Variants in CCT5 observed in about 807,000 individuals in gnomAD.
CCT5 encodes T-complex protein 1 subunit epsilon.
CCT5 carries 6 observed loss-of-function variants against 55.0 expected under a neutral mutation model. That is an observed-to-expected ratio of 0.11 (90% CI 0.06 to 0.22). CCT5 has a LOEUF of 0.22. CCT5 is among the 10% of genes least tolerant of loss of function. The pLI is 1.00. For missense variants in CCT5, 560 were observed against 694.6 expected, an observed-to-expected ratio of 0.81 and a Z score of 2.18; for synonymous variants, 231 against 243.7, an observed-to-expected ratio of 0.95 and a Z score of 0.49.
At chr5:10,266,407 G>C (rs1395360299), downstream of CCT5, 2 of 151,974 alleles carry the variant, frequency 1.3e-5, no homozygotes, top group Non-Finnish European at 2.9e-5. Flanking sequence ...TATTTTTCAC[G>C]TTCCAGATCA....
At chr5:10,261,814 T>G in intron 8 of CCT5, 69 bp downstream of exon 8, 1 of 1,226,010 alleles carries the variant, frequency 8.2e-7, no homozygotes, top group Non-Finnish European at 1.2e-6. Context: ...TTTGCCTGTG[T>G]GTATTTAACA....
chr5:10,250,872 G>T, intron 1 of CCT5: 1 of 1,044,006 alleles, frequency 9.6e-7, no homozygotes, highest in Non-Finnish European at 1.2e-6. Flanking sequence ...CGGCCCTTCC[G>T]TTTTCTTTGT....
At chr5:10,258,352 C>A (rs1745784868) in intron 5 of CCT5, 34 bp from the exon 6 acceptor site, 1 of 1,613,674 alleles carries the variant, frequency 6.2e-7, no homozygotes, top group Non-Finnish European at 8.5e-7. Context: ...ACTCTTAATT[C>A]CACCAATTAA....
At chr5:10,261,408 T>C in intron 7 of CCT5, 152 bp from the exon 8 acceptor site, 1 of 738,934 alleles carries the variant, frequency 1.4e-6, no homozygotes, top group Non-Finnish European at 2.4e-6. Flanking sequence ...GCAAGGTGCT[T>C]TGGGTTGAAC....
chr5:10,250,298 C>A lies in CCT5; in HGVS notation c.-43C>A. ...GGGAAGTGCATTCTCGCTTCCGTAG[C>A]GGTCTCCGCCGGTTGGGGGGAAGTA... On this transcript the variant is annotated 5_prime_UTR_variant, in exon 1 of 11. Coordinates refer to ENST00000280326, the MANE Select transcript of CCT5 (RefSeq NM_012073.5). 6.2e-7 allele frequency: 1 copy of A among 1,613,412 alleles called. No homozygotes were observed. Among genetic ancestry groups the A allele is most frequent in the Non-Finnish European group, 8.5e-7 (1 of 1,179,878 alleles).
chr5:10,256,071 A>G lies in CCT5; in HGVS notation c.448A>G (p.Lys150Glu), dbSNP rs771086015. Residue 150 changes from lysine (K) to glutamate (E), a missense_variant, in exon 4 of 11, where the codon AAG (lysine) becomes GAG (glutamate). Physicochemically the swap from Lys to Glu is moderately conservative, Grantham distance 56 (BLOSUM62 1). Transcript: ENST00000280326. ...TCGTGTTGCTATTGAACACCTGGAC[A>G]AGATCAGCGATAGCGTCCTTGTTGA... Reference protein sequence around the residue: ...AARVAIEHLDKISDSVLVDIK... With the variant: ...AARVAIEHLDEISDSVLVDIK... The G allele has an allele frequency of 3.7e-6, 6 of 1,614,054 alleles. No individual in the cohort carries two copies. Among genetic ancestry groups the G allele is most frequent in the Admixed American group, 1.7e-5 (1 of 60,012 alleles).
In CCT5 at chr5:10,261,500, G is replaced by C. The variant is rs1579455893; in HGVS notation, c.994-60G>C. On this transcript the variant is annotated intron_variant, in intron 7 of 10. Coordinates refer to ENST00000280326, the MANE Select transcript of CCT5 (RefSeq NM_012073.5). ...TCAAGTTTTGCTCATTTGTGGCCCA[G>C]TTTTGAAAGTTAACTTCACCAGTAC... 8 of 1,548,158 alleles carry C rather than the reference G, an allele frequency of 5.2e-6. No individual in the cohort carries two copies. In the East Asian group the frequency reaches 1.8e-4, roughly 35 times the overall value.
In CCT5 at chr5:10,253,493, C is replaced by T. The variant is rs531469638; in HGVS notation, c.106-652C>T. ...TCTCAAACTCCTGGCCTCAAGCAAT[C>T]CTCCTGCCTCAGCCTCCCAAGTAGG... On this transcript the variant is annotated intron_variant, in intron 1 of 10. Coordinates refer to ENST00000280326, the MANE Select transcript of CCT5 (RefSeq NM_012073.5). Among the ~76,000 whole-genome samples the T allele has an allele frequency of 3.3e-5, 5 of 152,296 alleles. No individual in the cohort carries two copies. The South Asian group carries it at 8.3e-4, about 25-fold the overall frequency.
rs547909747 is a variant in CCT5 at position 10,264,959 on chromosome 5, G to C, written c.*176G>C. On this transcript the variant is annotated 3_prime_UTR_variant, in exon 11 of 11. Transcript: ENST00000280326. ...TTGTTCAAAGCTGTGTAATCGTGGG[G>C]GTACCATCTCAACTGCTTTTGTATT... 1.2e-5 allele frequency: 9 copies of C among 753,704 alleles called. No individual in the cohort carries two copies. The highest frequency in any genetic ancestry group is 8.8e-5 in the African/African-American group (5 of 56,966). 46.7% of individuals were successfully genotyped at this position (753,704 alleles called of 1,614,324 possible).
intron 6 of CCT5, among the ~76,000 whole-genome samples, 191 bp downstream of exon 6, chr5:10,258,726 T>C (rs1031568774): frequency 5.3e-5 from 8 of 152,178 alleles, no homozygotes; most frequent in Non-Finnish European, 1.2e-4. Context: ...TCAGGCCAGG[T>C]GCAGTGGCCA....
intron 10 of CCT5, 190 bp from the exon 11 acceptor site, chr5:10,264,466 A>G (rs962041371): frequency 1.8e-6 from 1 of 570,578 alleles, no homozygotes; most frequent in Non-Finnish European, 3.1e-6. Flanking sequence ...CGAGTTCCAG[A>G]GTGTCCTTGG....
chr5:10,258,639 A>G, intron 6 of CCT5, 104 bp downstream of exon 6: 1 of 1,155,682 alleles, frequency 8.7e-7, no homozygotes. Context: ...TCTAAAACAT[A>G]CACAGGAAAA....
intron 8 of CCT5, chr5:10,262,220 G>A: frequency 4.1e-6 from 2 of 483,474 alleles, no homozygotes; most frequent in Non-Finnish European, 3.8e-6. Flanking sequence ...TTAGCACATT[G>A]TGATAAATCT....
In CCT5 at chr5:10,261,666, C is replaced by G; in HGVS notation, c.1100C>G (p.Thr367Ser). The G allele has an allele frequency of 6.2e-7, 1 of 1,614,024 alleles. No individual in the cohort carries two copies. Reference protein sequence around the residue: ...GLVQEISFGTTKDKMLVIEQC... With the variant: ...GLVQEISFGTSKDKMLVIEQC... ...GTACAGGAGATCTCATTTGGGACAACTAAGGATAAAATGCTGGTCATCGAG... is the reference window on the plus strand; with the variant it reads ...GTACAGGAGATCTCATTTGGGACAAGTAAGGATAAAATGCTGGTCATCGAG... The change falls in exon 8 of 11, where the codon ACT becomes AGT. Residue 367 changes from threonine to serine, a missense_variant. Transcript: ENST00000280326.
intron 10 of CCT5, among the ~76,000 whole-genome samples, 195 bp downstream of exon 10, chr5:10,263,509 C>T (rs548483617): frequency 1.3e-5 from 2 of 152,306 alleles, no homozygotes; most frequent in Admixed American, 6.5e-5. Context: ...CAACATGAGA[C>T]TCATTGTAAT....
In CCT5 at chr5:10,264,661, A is replaced by G. The variant is rs761913921; in HGVS notation, c.1504A>G (p.Lys502Glu). 1 of 1,607,402 alleles carries G rather than the reference A, an allele frequency of 6.2e-7. No individual in the cohort carries two copies. The highest frequency in any genetic ancestry group is 1.1e-5 in the South Asian group (1 of 90,934). The change falls in exon 11 of 11, where the codon AAG becomes GAG. Residue 502 changes from lysine (K) to glutamate (E), a missense_variant. Coordinates refer to ENST00000280326, the MANE Select transcript of CCT5 (RefSeq NM_012073.5). ...AGTGTCCTTGTATTTTTCAGATATG[A>G]AGCAACAGCATGTCATAGAAACCTT... ...DCLHKGTNDM[K>E]QQHVIETLIG...
At position 10,256,059 on chromosome 5, in the gene CCT5, G is replaced by C. The variant is rs768960830; in HGVS notation, c.436G>C (p.Glu146Gln). Residue 146 changes from glutamate (E) to glutamine (Q), a missense_variant, in exon 4 of 11, where the codon GAA becomes CAA. Glu to Gln is a conservative substitution (Grantham distance 29). Coordinates refer to ENST00000280326, the MANE Select transcript of CCT5 (RefSeq NM_012073.5). ...TGAGCAGGCTGCTCGTGTTGCTATT[G>C]AACACCTGGACAAGATCAGCGATAG... ...GYEQAARVAI[E>Q]HLDKISDSVL... 6.2e-7 allele frequency: 1 copy of C among 1,614,128 alleles called. No homozygotes were observed. Among genetic ancestry groups the C allele is most frequent in the South Asian group, 1.1e-5 (1 of 91,054 alleles).
chr5:10,250,002 C>G (rs1745281928), upstream of CCT5: 2 of 1,470,708 alleles, frequency 1.4e-6, no homozygotes, highest in Non-Finnish European at 1.8e-6. Context: ...TGCTTTAAGT[C>G]AATGAATTCC....
chr5:10,262,489 G>A lies in CCT5; in HGVS notation c.1188G>A (p.Glu396=). Residue 396 remains glutamate, a synonymous_variant, in exon 9 of 11, where the codon GAG becomes GAA. Coordinates refer to ENST00000280326, the MANE Select transcript of CCT5 (RefSeq NM_012073.5). The part of the protein sequence containing the change: ...FIRGGNKMII[E]EAKRSLHDAL... ...AAAGCTGTTTTCCTTAGATCATTGA[G>A]GAGGCGAAACGATCCCTTCACGATG... is the stretch of plus-strand genomic sequence containing the variant. 1 of 1,614,070 alleles carries A rather than the reference G, an allele frequency of 6.2e-7. No individual in the cohort carries two copies. Among genetic ancestry groups the A allele is most frequent in the Non-Finnish European group, 8.5e-7 (1 of 1,180,004 alleles).
Sources: gnomAD v4.1 joint callset for allele counts (sites outside exome capture counted in the v4.1 genomes callset) on GRCh38, gnomAD v4.1.1 for gene constraint, MANE v1.5 for transcripts, NCBI Gene and HGNC (gene_info 2026-07-23, HGNC 2026-07-21) for gene names.